Variants in CACNA2D1 observed in about 807,000 individuals in gnomAD.
The protein encoded by CACNA2D1 is voltage-dependent calcium channel subunit alpha-2/delta-1.
A neutral mutation model predicts 171.5 loss-of-function variants in CACNA2D1; 53 were observed. The ratio of observed to expected loss-of-function variants is 0.31; its 90% CI spans 0.25 to 0.39. The LOEUF is 0.39. CACNA2D1 is among the 10% of genes least tolerant of loss of function. The probability of loss-of-function intolerance (pLI) is 1.00; values close to 1 mark genes in which losing one functional copy is unlikely to be tolerated. For synonymous variants in CACNA2D1, 442 were observed against 443.1 expected (o/e 1.00, Z 0.03); for missense variants, 903 against 1,299.8 (o/e 0.69, Z 4.69).
chr7:82,257,364 G>C (rs1291019575), intron 3 of CACNA2D1, among the ~76,000 whole-genome samples: 2 of 152,146 alleles, frequency 1.3e-5, no homozygotes, highest in Non-Finnish European at 2.9e-5. Flanking sequence ...CCCCTGTCTT[G>C]ACACTGAAAA....
Position 82,399,906 on chromosome 7 carries a change from T to C in CACNA2D1, c.95+43459A>G, listed in dbSNP as rs1826173261. 2.6e-5 allele frequency among the ~76,000 whole-genome samples: 4 copies of C among 152,154 alleles called. No homozygotes were observed. In the South Asian group the frequency reaches 8.3e-4, roughly 32 times the overall value. On this transcript the variant is annotated intron_variant, in intron 1 of 38. Transcript: ENST00000356860. ...TTCAAATTCTTCCAGATTTCCAGGT[T>C]TGTAGCATCACACATTCATTTATTC...
chr7:82,023,187 T>G (rs758975113), intron 12 of CACNA2D1, among the ~76,000 whole-genome samples: 12 of 151,900 alleles, frequency 7.9e-5, no homozygotes, highest in Non-Finnish European at 1.8e-4. Flanking sequence ...TAAGGAGGTC[T>G]CATGTACATG....
chr7:82,340,125 C>T (rs969916298), intron 2 of CACNA2D1, among the ~76,000 whole-genome samples: 1 of 152,184 alleles, frequency 6.6e-6, no homozygotes, highest in African/African-American at 2.4e-5. Context: ...TGTTTTAAAC[C>T]AATAAGTTTT....
At chr7:81,980,537 GATAATC>G (rs1294210889) in intron 24 of CACNA2D1, among the ~76,000 whole-genome samples, 4 of 152,146 alleles carry the variant, frequency 2.6e-5, no homozygotes, top group Admixed American at 6.5e-5. Context: ...ATAAAGCACA[GATAATC>G]ATAAAGACAA....
At chr7:82,399,524 A>C (rs1275979920) in intron 1 of CACNA2D1, among the ~76,000 whole-genome samples, 4 of 152,184 alleles carry the variant, frequency 2.6e-5, no homozygotes, top group Non-Finnish European at 1.5e-5. Context: ...ATTTAGAAAA[A>C]AAGTTCTTAA....
intron 6 of CACNA2D1, among the ~76,000 whole-genome samples, chr7:82,092,081 G>A (rs1811239514): frequency 6.6e-6 from 1 of 152,156 alleles, no homozygotes; most frequent in Admixed American, 6.5e-5. Context: ...TGACCTGTCA[G>A]CATACTGTTT....
At chr7:82,423,168 T>C (rs919407410) in intron 1 of CACNA2D1, among the ~76,000 whole-genome samples, 1 of 152,114 alleles carries the variant, frequency 6.6e-6, no homozygotes, top group Non-Finnish European at 1.5e-5. Flanking sequence ...GACTTTTATA[T>C]AGCCTCAGCC....
At chr7:82,431,817 T>C (rs780959794) in intron 1 of CACNA2D1, among the ~76,000 whole-genome samples, 1 of 151,662 alleles carries the variant, frequency 6.6e-6, no homozygotes, top group Admixed American at 6.6e-5. Context: ...GGTGGGTGGA[T>C]TACTGAGGTC....
chr7:82,145,247 A>T (rs949454763), intron 4 of CACNA2D1, among the ~76,000 whole-genome samples: 2 of 146,226 alleles, frequency 1.4e-5, no homozygotes, highest in Admixed American at 1.4e-4. Flanking sequence ...AAATTATATA[A>T]ATATATAAAT....
chr7:82,166,509 A>G (rs77527871), intron 4 of CACNA2D1, among the ~76,000 whole-genome samples: 4,252 of 152,138 alleles, frequency 0.028, 99 homozygotes, highest in Non-Finnish European at 0.041. Context: ...GCTTCCTTGG[A>G]AACAAAATTG....
intron 3 of CACNA2D1, among the ~76,000 whole-genome samples, chr7:82,220,052 G>A (rs955227210): frequency 6.6e-6 from 1 of 152,028 alleles, no homozygotes; most frequent in African/African-American, 2.4e-5. Context: ...AGAAGTCACA[G>A]GCATTAATAA....
chr7:82,385,542 T>C (rs971994640), intron 1 of CACNA2D1, among the ~76,000 whole-genome samples: 14 of 152,346 alleles, frequency 9.2e-5, no homozygotes, highest in Middle Eastern at 3.4e-3. Flanking sequence ...TGCTAACATA[T>C]TGTCTGTTTT....
intron 1 of CACNA2D1, among the ~76,000 whole-genome samples, chr7:82,400,887 T>C (rs1408409275): frequency 6.6e-6 from 1 of 151,618 alleles, no homozygotes; most frequent in Non-Finnish European, 1.5e-5. Flanking sequence ...CATCAAAAAG[T>C]GGGTGAAGGA....
At chr7:82,069,625 A>G (rs1415510305) in intron 7 of CACNA2D1, among the ~76,000 whole-genome samples, 1 of 152,150 alleles carries the variant, frequency 6.6e-6, no homozygotes, top group East Asian at 1.9e-4. Flanking sequence ...ATACTGATAT[A>G]CGTAATAGGA....
chr7:82,340,388 C>T (rs1303320490), intron 2 of CACNA2D1, among the ~76,000 whole-genome samples: 1 of 147,776 alleles, frequency 6.8e-6, no homozygotes, highest in Non-Finnish European at 1.5e-5. Flanking sequence ...TCAGGCTGGT[C>T]TTGAACTCTC....
At chr7:82,249,091 G>C (rs1467934251) in intron 3 of CACNA2D1, among the ~76,000 whole-genome samples, 1 of 151,236 alleles carries the variant, frequency 6.6e-6, no homozygotes, top group Non-Finnish European at 1.5e-5. Flanking sequence ...ACTCCAGCCT[G>C]GGTGACAGAG....
intron 1 of CACNA2D1, among the ~76,000 whole-genome samples, chr7:82,386,470 A>G (rs1040430952): frequency 2.0e-5 from 3 of 152,124 alleles, no homozygotes; most frequent in African/African-American, 7.2e-5. Context: ...ACACTGGCCA[A>G]GCACTGTGGC....
intron 10 of CACNA2D1, among the ~76,000 whole-genome samples, chr7:82,038,991 A>G (rs1803639235): frequency 6.6e-6 from 1 of 152,216 alleles, no homozygotes; most frequent in Non-Finnish European, 1.5e-5. Flanking sequence ...AAAAGAAAGA[A>G]CAATAGGAAT....
chr7:82,043,379 C>G (rs1476313076), intron 10 of CACNA2D1, among the ~76,000 whole-genome samples: 1 of 152,122 alleles, frequency 6.6e-6, no homozygotes, highest in Non-Finnish European at 1.5e-5. Flanking sequence ...TTAGGATACT[C>G]AGTACTAAAA....
Sources: allele counts gnomAD v4.1 joint callset (sites outside exome capture counted in the v4.1 genomes callset), GRCh38; gene constraint gnomAD v4.1.1; transcripts MANE v1.5; gene names NCBI Gene and HGNC (gene_info 2026-07-23, HGNC 2026-07-21).